STOX2: variants seen among roughly 807,000 people sequenced by gnomAD.
STOX2 encodes storkhead-box protein 2.
In STOX2, 28 loss-of-function variants were observed where a neutral mutation model predicts 60.9. That is an observed-to-expected ratio of 0.46 (90% CI 0.34 to 0.63). The LOEUF (loss-of-function observed/expected upper bound fraction) is 0.63, where lower values mean the gene tolerates loss of function less well. STOX2 is among the 30% of genes least tolerant of loss of function. The pLI, the probability that STOX2 is intolerant of heterozygous loss-of-function variation, is 0.01. For missense variants in STOX2, 1,024 were observed against 1,187.7 expected (o/e 0.86, Z 2.03); for synonymous variants, 472 against 463.9 (o/e 1.02, Z -0.22).
In STOX2 at chr4:184,020,170, A is replaced by C. The variant is rs1397276949; in HGVS notation, c.*2886A>C. 1 of 152,170 alleles carries C rather than the reference A, an allele frequency of 6.6e-6. No homozygotes were observed. Among genetic ancestry groups the C allele is most frequent in the Non-Finnish European group, 1.5e-5 (1 of 68,042 alleles). The allele number at this position is 152,170 out of a possible 1,614,324, so 9.4% of individuals were successfully genotyped here. A position where few individuals can be genotyped will look rare whatever the true frequency, so the allele number is the denominator to read the frequency against. Reference sequence around the variant, plus strand: ...ATCGTTCAGAAGAGCAAAGTTGAACACTTCCTTCAACATTAGGGCATGGCG... The same window carrying C: ...ATCGTTCAGAAGAGCAAAGTTGAACCCTTCCTTCAACATTAGGGCATGGCG... On this transcript the variant is annotated 3_prime_UTR_variant, in exon 4 of 4. Coordinates refer to ENST00000308497, the MANE Select transcript of STOX2 (RefSeq NM_020225.3).
Position 183,937,871 on chromosome 4 carries a change from G to C in STOX2, c.166+30915G>C, listed in dbSNP as rs184237765. On this transcript the variant is annotated intron_variant, in intron 1 of 3. Coordinates refer to ENST00000308497, the MANE Select transcript of STOX2 (RefSeq NM_020225.3). ...AGTAAAAGTTAAAAAATCCTGAGCTGGCTGGGTGCTCATGCCTGTAAATCC... is the reference window on the plus strand; with the variant it reads ...AGTAAAAGTTAAAAAATCCTGAGCTCGCTGGGTGCTCATGCCTGTAAATCC... Among the ~76,000 whole-genome samples the C allele has an allele frequency of 1.6e-3, 248 of 152,326 alleles. 1 individual carries two copies. The highest frequency in any genetic ancestry group is 5.9e-3 in the African/African-American group (244 of 41,556).
At chr4:183,868,048 G>A (rs1258336710) in intron 1 of STOX2, among the ~76,000 whole-genome samples, 1 of 151,916 alleles carries the variant, frequency 6.6e-6, no homozygotes, top group African/African-American at 2.4e-5. Flanking sequence ...AGTGTGTTCT[G>A]GATCTGGGGC....
chr4:183,911,940 T>C (rs1741793536), intron 1 of STOX2, among the ~76,000 whole-genome samples: 1 of 152,208 alleles, frequency 6.6e-6, no homozygotes, highest in Admixed American at 6.5e-5. Flanking sequence ...CTACTCCAAA[T>C]TGACCTTATC....
chr4:184,011,368 C>T lies in STOX2; in HGVS notation c.2530C>T (p.Leu844Phe). 3 of 1,613,824 alleles carry T rather than the reference C, an allele frequency of 1.9e-6. No individual in the cohort carries two copies. The Admixed American group carries it at 5.0e-5, about 27-fold the overall frequency. The change falls in exon 3 of 4, where the codon CTC (leucine) becomes TTC (phenylalanine). Residue 844 changes from leucine (L) to phenylalanine (F), a missense_variant. Leu to Phe is a conservative substitution (Grantham distance 22). Coordinates refer to ENST00000308497, the MANE Select transcript of STOX2 (RefSeq NM_020225.3). This position sits in a 1 kb window ranked among gnomAD's most constrained non-coding sequence, Gnocchi z 4.4. Reference protein sequence around the residue: ...SNQRATHSARLDSMDSSSITV... With the variant: ...SNQRATHSARFDSMDSSSITV... ...CCAGAGAGCCACCCATTCAGCCCGG[C>T]TCGACAGCATGGACAGCAGCAGCAT...
At position 183,836,938 on chromosome 4, in the gene STOX2, G is replaced by A. The variant is rs1031534038; in HGVS notation, c.364+38883G>A. 5.9e-5 allele frequency among the ~76,000 whole-genome samples: 9 copies of A among 152,282 alleles called. No individual in the cohort carries two copies. In the East Asian group the frequency reaches 1.5e-3, roughly 26 times the overall value. ...AATAATTCCAGGAAGACGGTGTTTT[G>A]AGTTCCTACTGTGTGCCAGTATTGT... On this transcript the variant is annotated intron_variant, in intron 1 of 2. Transcript: ENST00000513034. The surrounding 1 kb of genome is among the most constrained non-coding windows in gnomAD (Gnocchi z 4.1).
At chr4:183,910,634 G>A (rs2111086480) in intron 1 of STOX2, among the ~76,000 whole-genome samples, 1 of 152,268 alleles carries the variant, frequency 6.6e-6, no homozygotes, top group East Asian at 1.9e-4. Context: ...TACAGCACAT[G>A]ATCCTTAAAA....
In STOX2 at chr4:184,009,025, C is replaced by T. The variant is rs1249856694; in HGVS notation, c.320-133C>T. 1.3e-5 allele frequency: 9 copies of T among 692,408 alleles called. No individual in the cohort carries two copies. The African/African-American group carries it at 1.4e-4, about 11-fold the overall frequency. The allele number at this position is 692,408 out of a possible 1,614,324, so 42.9% of individuals were successfully genotyped here. A position where few individuals can be genotyped will look rare whatever the true frequency, so the allele number is the denominator to read the frequency against. On this transcript the variant is annotated intron_variant, in intron 2 of 3. Coordinates refer to ENST00000308497, the MANE Select transcript of STOX2 (RefSeq NM_020225.3). This position sits in a 1 kb window ranked among gnomAD's most constrained non-coding sequence, Gnocchi z 4.0. ...GGATTTGCACTGAACTTAATGAACA[C>T]CTTTGTCTGAATTGTGCATCCTAGC...
At chr4:183,823,104 C>T (rs1450606065) in intron 1 of STOX2, among the ~76,000 whole-genome samples, 1 of 152,182 alleles carries the variant, frequency 6.6e-6, no homozygotes, top group African/African-American at 2.4e-5. Flanking sequence ...CTTTTTAAAA[C>T]TATCACTTGG....
rs556540764 is a variant in STOX2 at position 183,806,814 on chromosome 4, C to T, written c.364+8759C>T. Among the ~76,000 whole-genome samples, 37 of 152,198 alleles carry T rather than the reference C, an allele frequency of 2.4e-4. No homozygotes were observed. The South Asian group carries it at 7.7e-3, about 32-fold the overall frequency. Reference sequence around the variant, plus strand: ...TTGAGGAAACAAACATTTATGTGTTCGTGTTCAGGACGGTAGGGCCCAGGA... The same window carrying T: ...TTGAGGAAACAAACATTTATGTGTTTGTGTTCAGGACGGTAGGGCCCAGGA... On this transcript the variant is annotated intron_variant, in intron 1 of 2. Coordinates refer to the STOX2 transcript ENST00000513034. The surrounding 1 kb of genome is among the most constrained non-coding windows in gnomAD (Gnocchi z 4.1).
intron 1 of STOX2, among the ~76,000 whole-genome samples, chr4:183,933,887 T>G (rs937534846): frequency 2.0e-5 from 3 of 151,822 alleles, no homozygotes; most frequent in Admixed American, 2.0e-4. Flanking sequence ...ATGAAAAAAA[T>G]TAAATAGTGG....
intron 1 of STOX2, among the ~76,000 whole-genome samples, chr4:183,893,105 C>T (rs1186310832): frequency 7.4e-6 from 1 of 135,970 alleles, no homozygotes; most frequent in Non-Finnish European, 1.6e-5. Context: ...CTGGGTCCAA[C>T]TTTCTTTTTT....
chr4:183,922,307 T>A (rs1742123346), intron 1 of STOX2, among the ~76,000 whole-genome samples: 2 of 151,782 alleles, frequency 1.3e-5, no homozygotes, highest in Non-Finnish European at 2.9e-5. Context: ...TTTTTCAAAT[T>A]GTGGTAAAAA....
At chr4:183,852,816 G>A (rs1465106356) in intron 1 of STOX2, among the ~76,000 whole-genome samples, 2 of 152,222 alleles carry the variant, frequency 1.3e-5, no homozygotes, top group African/African-American at 2.4e-5. Flanking sequence ...GTAGTAGAGA[G>A]TAGAAATCTA....
intron 1 of STOX2, among the ~76,000 whole-genome samples, chr4:183,882,604 A>T (rs951817077): frequency 6.6e-6 from 1 of 152,218 alleles, no homozygotes; most frequent in African/African-American, 2.4e-5. Context: ...TAGTTTTTGT[A>T]GTTGACCAAA....
At chr4:183,952,125 C>A (rs1743115264) in intron 1 of STOX2, among the ~76,000 whole-genome samples, 1 of 152,140 alleles carries the variant, frequency 6.6e-6, no homozygotes, top group African/African-American at 2.4e-5. Context: ...TGTGAGTTTT[C>A]TCAAAAGGCA....
chr4:183,928,068 A>C (rs1742296727), intron 1 of STOX2, among the ~76,000 whole-genome samples: 1 of 152,170 alleles, frequency 6.6e-6, no homozygotes, highest in Admixed American at 6.5e-5. Context: ...GGTGCTAAGG[A>C]TCCCTGGTGT....
chr4:183,998,180 GT>G (rs1452996670), intron 1 of STOX2, among the ~76,000 whole-genome samples: 3 of 152,170 alleles, frequency 2.0e-5, no homozygotes, highest in Non-Finnish European at 4.4e-5. Flanking sequence ...ATAGGCACAC[GT>G]TGGAAGGTAT....
chr4:183,971,935 G>T (rs996447863), intron 1 of STOX2, among the ~76,000 whole-genome samples: 3 of 152,218 alleles, frequency 2.0e-5, no homozygotes, highest in Non-Finnish European at 4.4e-5. Flanking sequence ...CCACTAAACT[G>T]TATCACCTGG....
At chr4:183,890,519 G>A (rs1336624165) in intron 1 of STOX2, among the ~76,000 whole-genome samples, 1 of 11,586 alleles carries the variant, frequency 8.6e-5, no homozygotes, top group Non-Finnish European at 2.8e-4. Context: ...AAGAAAGAGG[G>A]ACAGGAAAAG....
Sources: gnomAD v4.1 joint callset for allele counts (sites outside exome capture counted in the v4.1 genomes callset) on GRCh38, gnomAD v4.1.1 for gene constraint, Gnocchi (gnomAD v3.1) non-coding constraint, MANE v1.5 for transcripts, NCBI Gene and HGNC (gene_info 2026-07-23, HGNC 2026-07-21) for gene names.